MEMO1: variants seen among roughly 807,000 people sequenced by gnomAD.
MEMO1 encodes the protein protein MEMO1.
A neutral mutation model predicts 45.2 loss-of-function variants in MEMO1; 6 were observed. The ratio of observed to expected loss-of-function variants is 0.13; its 90% CI spans 0.07 to 0.26. The LOEUF (loss-of-function observed/expected upper bound fraction) is 0.26, where lower values mean the gene tolerates loss of function less well. Ranked by LOEUF, MEMO1 falls within the 10% of genes least tolerant of loss-of-function variation. MEMO1 has a pLI of 1.00. For synonymous variants in MEMO1, 78 were observed against 124.3 expected (o/e 0.63, Z 2.48); for missense variants, 184 against 370.5 (o/e 0.50, Z 4.13).
In MEMO1 at chr2:31,966,657, G is replaced by A. The variant is rs187706878; in HGVS notation, c.62-23274C>T. Among the ~76,000 whole-genome samples the A allele has an allele frequency of 1.7e-4, 26 of 150,542 alleles. No individual in the cohort carries two copies. In the East Asian group the frequency reaches 3.5e-3, roughly 20 times the overall value. On this transcript the variant is annotated intron_variant, in intron 2 of 9. Coordinates refer to ENST00000404530, the MANE Select transcript of MEMO1 (RefSeq NM_001301833.4). ...AGGCAGGAAAATCACTTGAACTTCC[G>A]CTGAAGCAGAGGTTGCAGTGAGCCC...
At chr2:31,964,669 C>G (rs1436806624) in intron 2 of MEMO1, among the ~76,000 whole-genome samples, 2 of 151,870 alleles carry the variant, frequency 1.3e-5, no homozygotes, top group Non-Finnish European at 1.5e-5. Flanking sequence ...CCATTGCACT[C>G]CAGCTTGGGC....
chr2:31,890,748 C>T (rs1334644971), intron 7 of MEMO1, among the ~76,000 whole-genome samples: 1 of 152,106 alleles, frequency 6.6e-6, no homozygotes, highest in Non-Finnish European at 1.5e-5. Flanking sequence ...ATGTGGGAGC[C>T]ATCCTGTGCC....
intron 2 of MEMO1, among the ~76,000 whole-genome samples, chr2:31,991,920 G>A (rs1200262602): frequency 1.3e-5 from 2 of 152,056 alleles, no homozygotes; most frequent in Admixed American, 1.3e-4. Flanking sequence ...AAATAGCCAG[G>A]TAAAATCAGC....
chr2:31,892,041 T>G lies in MEMO1; in HGVS notation c.531A>C (p.Leu177=), dbSNP rs755859715. The G allele has an allele frequency of 3.7e-6, 6 of 1,612,418 alleles. No individual in the cohort carries two copies. In the Admixed American group the frequency reaches 1.0e-4, roughly 27 times the overall value. ...CCACAAAGAGATTACTAGGATCCGC[T>G]AGATATTTACTGAAGAGTTTTCCGA... The part of the protein sequence containing the change: ...QEFGKLFSKY[L]ADPSNLFVVS... The change falls in exon 7 of 10, where the codon CTA becomes CTC. Residue 177 remains leucine, a synonymous_variant. Coordinates refer to ENST00000404530, the MANE Select transcript of MEMO1 (RefSeq NM_001301833.4).
chr2:31,933,807 A>G (rs1664587521), intron 3 of MEMO1, among the ~76,000 whole-genome samples: 1 of 152,150 alleles, frequency 6.6e-6, no homozygotes, highest in African/African-American at 2.4e-5. Context: ...TCAAAACAGC[A>G]ATATTCTCAC....
At chr2:31,893,809 G>A (rs1677309928) in intron 6 of MEMO1, among the ~76,000 whole-genome samples, 1 of 152,136 alleles carries the variant, frequency 6.6e-6, no homozygotes, top group South Asian at 2.1e-4. Context: ...CTCTCCACAA[G>A]AGCCATTAAT....
intron 4 of MEMO1, among the ~76,000 whole-genome samples, chr2:31,925,780 C>G (rs1345832128): frequency 1.3e-5 from 2 of 152,146 alleles, no homozygotes; most frequent in Admixed American, 6.6e-5. Flanking sequence ...CACTAGCAGT[C>G]CTATTTTTTA....
chr2:31,991,525 C>T (rs113324149), intron 2 of MEMO1, among the ~76,000 whole-genome samples: 5 of 148,722 alleles, frequency 3.4e-5, no homozygotes, highest in Non-Finnish European at 5.9e-5. Context: ...GAGCCAAGAT[C>T]GCCCCATTGT....
Position 31,932,152 on chromosome 2 carries a change from T to C in MEMO1, c.144-17A>G, listed in dbSNP as rs771537562. On this transcript the variant is annotated splice_polypyrimidine_tract_variant and intron_variant, in intron 3 of 9. Transcript: ENST00000404530. ...CCTGCATGGCTACAAAACAAAATAT[T>C]TTTAAACTTAATCATCAGATTCAAA... The C allele has an allele frequency of 6.2e-7, 1 of 1,606,912 alleles. No homozygotes were observed. Among genetic ancestry groups the C allele is most frequent in the Non-Finnish European group, 8.5e-7 (1 of 1,175,118 alleles).
intron 8 of MEMO1, among the ~76,000 whole-genome samples, chr2:31,875,299 G>A (rs967425611): frequency 6.6e-6 from 1 of 152,222 alleles, no homozygotes; most frequent in East Asian, 1.9e-4. Flanking sequence ...TGCAAACTTA[G>A]AAGTCAACCT....
intron 2 of MEMO1, among the ~76,000 whole-genome samples, chr2:31,992,054 T>C (rs1672012385): frequency 6.6e-6 from 1 of 152,180 alleles, no homozygotes; most frequent in African/African-American, 2.4e-5. Context: ...TTTCCAAATT[T>C]TATAAGAATA....
intron 8 of MEMO1, among the ~76,000 whole-genome samples, chr2:31,870,718 A>T (rs1284085669): frequency 6.6e-6 from 1 of 152,084 alleles, no homozygotes; most frequent in Non-Finnish European, 1.5e-5. Flanking sequence ...CTGGGATTAC[A>T]GACAACACAC....
intron 6 of MEMO1, among the ~76,000 whole-genome samples, chr2:31,893,766 G>C (rs1260295745): frequency 2.0e-5 from 3 of 152,010 alleles, no homozygotes; most frequent in African/African-American, 7.2e-5. Flanking sequence ...CGTCACAAGA[G>C]TTGGCTCACT....
At chr2:31,962,986 A>T (rs1271463728) in intron 2 of MEMO1, among the ~76,000 whole-genome samples, 3 of 152,226 alleles carry the variant, frequency 2.0e-5, no homozygotes, top group African/African-American at 4.8e-5. Context: ...CCCTCCCCCA[A>T]GTAAGACAGA....
intron 5 of MEMO1, among the ~76,000 whole-genome samples, chr2:31,918,280 T>G (rs1431518152): frequency 6.6e-6 from 1 of 152,176 alleles, no homozygotes; most frequent in Non-Finnish European, 1.5e-5. Flanking sequence ...GTAATACGTG[T>G]AAAGACTTAC....
chr2:31,953,911 A>T (rs1415787869), intron 2 of MEMO1, among the ~76,000 whole-genome samples: 2 of 152,214 alleles, frequency 1.3e-5, no homozygotes, highest in East Asian at 3.8e-4. Context: ...CCATTTGCTA[A>T]AATTAAAATC....
chr2:31,969,599 G>A (rs1669117214), intron 2 of MEMO1, among the ~76,000 whole-genome samples: 2 of 144,892 alleles, frequency 1.4e-5, no homozygotes, highest in East Asian at 4.0e-4. Context: ...GTGTGTGTGT[G>A]TGTGTGTGTG....
intron 8 of MEMO1, among the ~76,000 whole-genome samples, chr2:31,875,871 G>A (rs572883988): frequency 6.6e-6 from 1 of 152,046 alleles, no homozygotes; most frequent in Non-Finnish European, 1.5e-5. Flanking sequence ...ATTTTTAGGA[G>A]AAAGGGGGTT....
chr2:31,941,323 C>T (rs1214545372), intron 3 of MEMO1, among the ~76,000 whole-genome samples: 2 of 152,174 alleles, frequency 1.3e-5, no homozygotes, highest in Non-Finnish European at 2.9e-5. Context: ...GCTATCTGCA[C>T]AGCTTGCTCT....
Sources: gnomAD v4.1 joint callset for allele counts (sites outside exome capture counted in the v4.1 genomes callset) on GRCh38, gnomAD v4.1.1 for gene constraint, MANE v1.5 for transcripts, NCBI Gene and HGNC (gene_info 2026-07-23, HGNC 2026-07-21) for gene names.